The following MAF variants were observed in gnomAD, a reference collection of about 807,000 sequenced individuals.
MAF encodes the protein MAF bZIP transcription factor, also known as transcription factor Maf.
A neutral mutation model predicts 22.0 loss-of-function variants in MAF; 10 were observed. That is an observed-to-expected ratio of 0.45 (90% confidence interval 0.28 to 0.77). The LOEUF is 0.77. MAF is among the 30% of genes least tolerant of loss of function. The probability of loss-of-function intolerance (pLI) is 0.12; values close to 1 mark genes in which losing one functional copy is unlikely to be tolerated. For missense variants in MAF, 544 were observed against 548.4 expected (o/e 0.99, Z 0.08); for synonymous variants, 337 against 255.8 (o/e 1.32, Z -3.03).
At chr16:79,537,499 T>A in the MAF span, among the ~76,000 whole-genome samples, 3 of 152,180 alleles carry the variant, frequency 2.0e-5, no homozygotes, top group Non-Finnish European at 4.4e-5. Flanking sequence ...AGCTCTAAGT[T>A]CGTGCGGCTG....
At chr16:79,456,622 C>T in the MAF span, among the ~76,000 whole-genome samples, 47 of 152,068 alleles carry the variant, frequency 3.1e-4, no homozygotes, top group Admixed American at 2.6e-3. Context: ...TAGAGAAAGC[C>T]GTTCTTTACA....
the MAF span, among the ~76,000 whole-genome samples, chr16:79,522,056 C>T: frequency 6.6e-6 from 1 of 152,096 alleles, no homozygotes; most frequent in Admixed American, 6.6e-5. Context: ...GTGTAGCAAG[C>T]ACACAGGCGG....
At chr16:79,332,232 A>G in the MAF span, among the ~76,000 whole-genome samples, 1 of 152,358 alleles carries the variant, frequency 6.6e-6, no homozygotes, top group East Asian at 1.9e-4. Flanking sequence ...TCACCTGTGC[A>G]TATTATGTCA....
the MAF span, among the ~76,000 whole-genome samples, chr16:79,355,560 G>C: frequency 6.6e-6 from 1 of 152,196 alleles, no homozygotes; most frequent in Admixed American, 6.5e-5. Flanking sequence ...CTGAGCCTCA[G>C]CCTCCTCTTC....
chr16:79,512,547 C>A, the MAF span, among the ~76,000 whole-genome samples: 1 of 152,144 alleles, frequency 6.6e-6, no homozygotes, highest in Non-Finnish European at 1.5e-5. Flanking sequence ...ACCCCCAGCT[C>A]ACCATCTGAG....
chr16:79,475,880 T>G, the MAF span, among the ~76,000 whole-genome samples: 1 of 152,096 alleles, frequency 6.6e-6, no homozygotes, highest in Non-Finnish European at 1.5e-5. Context: ...TCTTGTAAAA[T>G]CTCTTTCCCT....
chr16:79,561,528 C>T, the MAF span, among the ~76,000 whole-genome samples: 1 of 148,384 alleles, frequency 6.7e-6, no homozygotes, highest in Non-Finnish European at 1.5e-5. Flanking sequence ...CACGTGTTCT[C>T]ATTGTTAAAT....
the MAF span, among the ~76,000 whole-genome samples, chr16:79,393,282 T>C: frequency 6.6e-6 from 1 of 152,198 alleles, no homozygotes; most frequent in African/African-American, 2.4e-5. Context: ...AGGGATTTCT[T>C]TGGGGGTTGG....
At chr16:79,209,144 A>T in the MAF span, among the ~76,000 whole-genome samples, 49 of 152,328 alleles carry the variant, frequency 3.2e-4, no homozygotes, top group African/African-American at 1.0e-3. Flanking sequence ...ATAAAAAGTT[A>T]GGCTTTTCAA....
At chr16:79,363,989 G>A in the MAF span, among the ~76,000 whole-genome samples, 197 of 152,258 alleles carry the variant, frequency 1.3e-3, 1 homozygote, top group African/African-American at 4.5e-3. Flanking sequence ...TCTGACCAGT[G>A]ACCAAATGCA....
the MAF span, among the ~76,000 whole-genome samples, chr16:79,462,381 A>G: frequency 7.2e-5 from 11 of 152,282 alleles, no homozygotes; most frequent in Non-Finnish European, 1.5e-4. Context: ...ACTAGGTCCA[A>G]TCTGCCTGCA....
chr16:79,264,459 T>C, the MAF span: 3 of 152,226 alleles, frequency 2.0e-5, no homozygotes, highest in East Asian at 3.9e-4. Flanking sequence ...GCAGAGTCTA[T>C]GGCCATACCA....
At chr16:79,309,609 T>C in the MAF span, among the ~76,000 whole-genome samples, 122,701 of 151,732 alleles carry the variant, frequency 0.81, 50,308 homozygotes, top group South Asian at 0.88. Flanking sequence ...AGACAAAATG[T>C]TTCCACTTTA....
At chr16:79,539,195 T>G in the MAF span, among the ~76,000 whole-genome samples, 1 of 152,248 alleles carries the variant, frequency 6.6e-6, no homozygotes, top group Non-Finnish European at 1.5e-5. Context: ...AAAGCAATCT[T>G]ATTATATGCA....
the MAF span, among the ~76,000 whole-genome samples, chr16:79,329,315 C>T: frequency 2.6e-5 from 4 of 152,044 alleles, no homozygotes; most frequent in African/African-American, 9.7e-5. Flanking sequence ...GACTCTAGAC[C>T]GACTAAACTG....
chr16:79,244,648 T>C, the MAF span, among the ~76,000 whole-genome samples: 1 of 152,076 alleles, frequency 6.6e-6, no homozygotes, highest in Non-Finnish European at 1.5e-5. Context: ...GTGCCAAAAG[T>C]AATTTATAGA....
At chr16:79,223,001 GC>G in the MAF span, among the ~76,000 whole-genome samples, 4 of 152,154 alleles carry the variant, frequency 2.6e-5, no homozygotes, top group Admixed American at 2.6e-4. Flanking sequence ...CTTGAACTCA[GC>G]TCTGGACCAA....
the MAF span, among the ~76,000 whole-genome samples, chr16:79,271,987 T>C: frequency 6.6e-6 from 1 of 152,166 alleles, no homozygotes; most frequent in Admixed American, 6.5e-5. Context: ...CTGCCTGTTG[T>C]GGCCTCCAAA....
chr16:79,506,714 T>C, the MAF span, among the ~76,000 whole-genome samples: 2 of 152,158 alleles, frequency 1.3e-5, no homozygotes, highest in Admixed American at 1.3e-4. Context: ...TAGAGGGGCA[T>C]GGGTCTGTGA....
Sources: gnomAD v4.1 joint callset for allele counts (sites outside exome capture counted in the v4.1 genomes callset) on GRCh38, gnomAD v4.1.1 for gene constraint, MANE v1.5 for transcripts, NCBI Gene and HGNC (gene_info 2026-07-23, HGNC 2026-07-21) for gene names.